Variants in EPHA6 observed in about 807,000 individuals in gnomAD.
The protein encoded by EPHA6 is ephrin type-A receptor 6.
EPHA6 carries 50 observed loss-of-function variants against 112.0 expected under a neutral mutation model. That is an observed-to-expected ratio of 0.45 (90% CI 0.36 to 0.56). The LOEUF (loss-of-function observed/expected upper bound fraction) is 0.56, where lower values mean the gene tolerates loss of function less well. EPHA6 is among the 20% of genes least tolerant of loss of function. The pLI, the probability that EPHA6 is intolerant of heterozygous loss-of-function variation, is 0.00. For synonymous variants in EPHA6, 529 were observed against 490.7 expected (o/e 1.08, Z -1.03); for missense variants, 1,280 against 1,417.4 (o/e 0.90, Z 1.56).
intron 2 of EPHA6, among the ~76,000 whole-genome samples, chr3:96,933,762 TA>T (rs1455914366): frequency 6.6e-6 from 1 of 151,986 alleles, no homozygotes; most frequent in African/African-American, 2.4e-5. Flanking sequence ...TAAAGTGAAA[TA>T]GGAAGGTTAA....
chr3:97,187,733 GAAAGAAAGAA>G (rs2077191394), intron 3 of EPHA6, among the ~76,000 whole-genome samples: 4 of 147,642 alleles, frequency 2.7e-5, no homozygotes, highest in African/African-American at 1.0e-4. Flanking sequence ...AAGAAAGAAA[GAAAGAAAGAA>G]AGAGGAAAGA....
At chr3:96,831,631 T>A in intron 1 of EPHA6, among the ~76,000 whole-genome samples, 1 of 152,050 alleles carries the variant, frequency 6.6e-6, no homozygotes, top group East Asian at 1.9e-4. Flanking sequence ...TATGCAGGCT[T>A]GTCACATAGG....
At position 97,761,153 on chromosome 3, in the gene EPHA6, A is replaced by G. The variant is rs1183416262; in HGVS notation, c.*12452A>G. Reference sequence around the variant, plus strand: ...ATTATCTACTTTACTATAGCAGTGAAGTAGTCCAGACTTATTTGAAGGTGG... The same window carrying G: ...ATTATCTACTTTACTATAGCAGTGAGGTAGTCCAGACTTATTTGAAGGTGG... On this transcript the variant is annotated 3_prime_UTR_variant, in exon 18 of 18. Transcript: ENST00000389672. 1 of 201,106 alleles carries G rather than the reference A, an allele frequency of 5.0e-6. No homozygotes were observed. Among genetic ancestry groups the G allele is most frequent in the African/African-American group, 2.3e-5 (1 of 43,554 alleles). The allele number at this position is 201,106 out of a possible 1,614,324, so 12.5% of individuals were successfully genotyped here.
chr3:97,644,156 A>T (rs908730187), intron 14 of EPHA6, among the ~76,000 whole-genome samples: 1 of 152,108 alleles, frequency 6.6e-6, no homozygotes, highest in Non-Finnish European at 1.5e-5. Context: ...GCTCAACTAC[A>T]TGGAAACTGA....
intron 7 of EPHA6, among the ~76,000 whole-genome samples, chr3:97,464,574 G>T (rs958239077): frequency 1.3e-5 from 2 of 152,020 alleles, no homozygotes; most frequent in Admixed American, 1.3e-4. Flanking sequence ...TCCTTAGGAA[G>T]CAGATTTGAA....
At chr3:97,184,584 A>T (rs1472115745) in intron 3 of EPHA6, among the ~76,000 whole-genome samples, 1 of 152,176 alleles carries the variant, frequency 6.6e-6, no homozygotes, top group African/African-American at 2.4e-5. Flanking sequence ...CAAATGGAAG[A>T]ACATTCCATG....
intron 1 of EPHA6, among the ~76,000 whole-genome samples, chr3:96,828,314 C>T (rs1273492508): frequency 1.3e-5 from 2 of 152,008 alleles, no homozygotes; most frequent in African/African-American, 2.4e-5. Flanking sequence ...GAGGAGATAA[C>T]GTGGACCTAT....
At chr3:97,219,921 A>G (rs893290991) in intron 3 of EPHA6, among the ~76,000 whole-genome samples, 2 of 152,212 alleles carry the variant, frequency 1.3e-5, no homozygotes, top group Admixed American at 6.5e-5. Context: ...ATAAAACTGA[A>G]TGCTTTTAAG....
chr3:97,405,357 A>G, intron 6 of EPHA6, 83 bp downstream of exon 6: 1 of 1,233,114 alleles, frequency 8.1e-7, no homozygotes. Context: ...ATACTATATT[A>G]TTTTATTTTA....
intron 14 of EPHA6, among the ~76,000 whole-genome samples, chr3:97,706,130 T>C (rs1228974421): frequency 6.6e-6 from 1 of 152,242 alleles, no homozygotes; most frequent in Non-Finnish European, 1.5e-5. Context: ...CTTGGTATGA[T>C]GCATGATTGC....
rs2086613708 is a variant in EPHA6 at position 97,394,904 on chromosome 3, C to T, written c.1607-10246C>T. On this transcript the variant is annotated intron_variant, in intron 5 of 17. Coordinates refer to ENST00000389672, the MANE Select transcript of EPHA6 (RefSeq NM_001080448.3). Reference sequence around the variant, plus strand: ...AAATTAAAAATAAAACTACCATATACCTTTCTTACATAAGGTCATCTGTGC... The same window carrying T: ...AAATTAAAAATAAAACTACCATATATCTTTCTTACATAAGGTCATCTGTGC... 6.6e-5 allele frequency among the ~76,000 whole-genome samples: 10 copies of T among 151,288 alleles called. No homozygotes were observed. In the Admixed American group the frequency reaches 6.6e-4, roughly 10 times the overall value.
intron 5 of EPHA6, among the ~76,000 whole-genome samples, chr3:97,376,055 A>G (rs1490331286): frequency 2.0e-5 from 3 of 152,174 alleles, no homozygotes; most frequent in African/African-American, 7.2e-5. Context: ...ATGCAGTTGT[A>G]CCATAAAAGC....
intron 3 of EPHA6, among the ~76,000 whole-genome samples, chr3:97,141,593 G>C (rs2075906445): frequency 6.6e-6 from 1 of 151,872 alleles, no homozygotes; most frequent in Admixed American, 6.6e-5. Flanking sequence ...TGACTTTTTG[G>C]TAAATGATGA....
chr3:97,552,632 T>C (rs2093044865), intron 11 of EPHA6, among the ~76,000 whole-genome samples: 1 of 152,178 alleles, frequency 6.6e-6, no homozygotes, highest in Non-Finnish European at 1.5e-5. Context: ...TTTAGAACCT[T>C]GATAAGCCAA....
intron 2 of EPHA6, among the ~76,000 whole-genome samples, chr3:96,938,608 C>T (rs1408112547): frequency 1.3e-5 from 2 of 151,982 alleles, no homozygotes; most frequent in African/African-American, 4.8e-5. Context: ...ATTTCCTTTT[C>T]CTGCCTAATT....
chr3:96,849,457 C>T (rs1217459298), intron 1 of EPHA6, among the ~76,000 whole-genome samples: 2 of 152,010 alleles, frequency 1.3e-5, no homozygotes, highest in Admixed American at 6.6e-5. Flanking sequence ...TTCCATATAA[C>T]GTCATGTTAA....
chr3:97,481,013 C>T (rs978098437), intron 9 of EPHA6, among the ~76,000 whole-genome samples: 1 of 151,460 alleles, frequency 6.6e-6, no homozygotes, highest in Non-Finnish European at 1.5e-5. Flanking sequence ...GGCAGAGGGG[C>T]TCCTCACATC....
chr3:97,307,163 A>G (rs2081354610), intron 5 of EPHA6, among the ~76,000 whole-genome samples: 1 of 151,862 alleles, frequency 6.6e-6, no homozygotes, highest in Non-Finnish European at 1.5e-5. Flanking sequence ...TTAAGGACCT[A>G]TGGCTTCTGC....
At chr3:97,352,990 G>C (rs563748584) in intron 5 of EPHA6, among the ~76,000 whole-genome samples, 3 of 152,220 alleles carry the variant, frequency 2.0e-5, no homozygotes, top group East Asian at 3.9e-4. Context: ...ACCAGGCAGA[G>C]TTCTAAGGCC....
Sources: gnomAD v4.1 joint callset for allele counts (sites outside exome capture counted in the v4.1 genomes callset) on GRCh38, gnomAD v4.1.1 for gene constraint, MANE v1.5 for transcripts, NCBI Gene and HGNC (gene_info 2026-07-23, HGNC 2026-07-21) for gene names.